Variants in LRBA observed in about 807,000 individuals in gnomAD.
LRBA encodes LPS responsive beige-like anchor protein.
A neutral mutation model predicts 330.0 loss-of-function variants in LRBA; 176 were observed. The ratio of observed to expected loss-of-function variants is 0.53; its 90% CI spans 0.47 to 0.60. LRBA has a LOEUF of 0.60. Among genes scored for constraint, LRBA ranks in the 20% least tolerant of loss-of-function variants. The probability of loss-of-function intolerance (pLI) is 0.00; values close to 1 mark genes in which losing one functional copy is unlikely to be tolerated. For synonymous variants in LRBA, 1,230 were observed against 1,193.0 expected, an observed-to-expected ratio of 1.03 and a Z score of -0.64; for missense variants, 3,259 against 3,444.8, an observed-to-expected ratio of 0.95 and a Z score of 1.35.
At chr4:150,519,354 C>T (rs1762682057) in intron 40 of LRBA, among the ~76,000 whole-genome samples, 1 of 152,144 alleles carries the variant, frequency 6.6e-6, no homozygotes, top group Non-Finnish European at 1.5e-5. Context: ...AGAAAGGTTG[C>T]TCACATCTCT....
intron 16 of LRBA, 60 bp from the exon 17 acceptor site, chr4:150,893,209 T>G: frequency 1.2e-6 from 1 of 801,308 alleles, no homozygotes; most frequent in Admixed American, 2.3e-5. Context: ...AGTTGAATAA[T>G]GAATACTTCT....
chr4:150,528,146 C>T (rs6839603), intron 40 of LRBA, among the ~76,000 whole-genome samples: 2,481 of 152,130 alleles, frequency 0.016, 74 homozygotes, highest in African/African-American at 0.055. Context: ...TAAATATCAA[C>T]TTCTGATTTT....
intron 37 of LRBA, among the ~76,000 whole-genome samples, chr4:150,653,053 A>G (rs1779847536): frequency 6.6e-6 from 1 of 152,146 alleles, no homozygotes; most frequent in African/African-American, 2.4e-5. Context: ...CTTCAATTAA[A>G]AAGAACTGGC....
Position 150,325,901 on chromosome 4 carries a change from G to T in LRBA, c.7363-3C>A. The T allele has an allele frequency of 6.3e-7, 1 of 1,586,876 alleles. No homozygotes were observed. The highest frequency in any genetic ancestry group is 8.7e-7 in the Non-Finnish European group (1 of 1,155,872). The stretch of plus-strand genomic sequence containing the variant: ...CTTCGGATTTGAGCTTCAACAGCCT[G>T]AAAAGGGCAGGGGCAAGTCTGAAGG... On this transcript the variant is annotated splice_polypyrimidine_tract_variant and splice_region_variant and intron_variant, in intron 48 of 56. Coordinates refer to ENST00000651943, the MANE Select transcript of LRBA (RefSeq NM_001364905.1).
chr4:150,817,068 G>A lies in LRBA; in HGVS notation c.5305+56C>T, dbSNP rs566704593. ...TTTAAGTTAATCAAAAATCTTAAGC[G>A]TTGCTAAAATGAGATCTAAAAACAT... On this transcript the variant is annotated intron_variant, in intron 31 of 56. Coordinates refer to ENST00000651943, the MANE Select transcript of LRBA (RefSeq NM_001364905.1). The A allele has an allele frequency of 7.3e-5, 113 of 1,543,310 alleles. 1 individual carries two copies. Among genetic ancestry groups the A allele is most frequent in the South Asian group, 7.0e-4 (61 of 87,606 alleles).
intron 35 of LRBA, among the ~76,000 whole-genome samples, chr4:150,748,734 C>T (rs62346309): frequency 0.089 from 13,455 of 151,968 alleles, 1,033 homozygotes; most frequent in African/African-American, 0.22. Flanking sequence ...TGTATCCCCT[C>T]CAAAATTCTT....
chr4:150,452,349 C>T (rs1753447961), intron 44 of LRBA, among the ~76,000 whole-genome samples: 1 of 152,166 alleles, frequency 6.6e-6, no homozygotes, highest in Admixed American at 6.6e-5. Context: ...GATGAAGACT[C>T]TCAACAAACT....
intron 44 of LRBA, among the ~76,000 whole-genome samples, chr4:150,441,182 T>A (rs544187770): frequency 6.4e-4 from 98 of 152,120 alleles, no homozygotes; most frequent in African/African-American, 2.3e-3. Flanking sequence ...AGGCACTAAG[T>A]AAGCCTGATG....
intron 46 of LRBA, among the ~76,000 whole-genome samples, chr4:150,428,087 A>T (rs1245763542): frequency 6.6e-6 from 1 of 152,078 alleles, no homozygotes; most frequent in Non-Finnish European, 1.5e-5. Context: ...TATGTAATTT[A>T]AAACTTTTTA....
At chr4:150,856,152 G>C (rs1457596792) in intron 22 of LRBA, among the ~76,000 whole-genome samples, 2 of 152,178 alleles carry the variant, frequency 1.3e-5, no homozygotes, top group Non-Finnish European at 2.9e-5. Context: ...TTTGTGGAGT[G>C]AAGTGAGAAT....
At chr4:150,986,734 T>C (rs780541376) in intron 2 of LRBA, among the ~76,000 whole-genome samples, 17 of 152,134 alleles carry the variant, frequency 1.1e-4, no homozygotes, top group Admixed American at 5.9e-4. Flanking sequence ...AAAACAAAGA[T>C]TTTACAGGCC....
At chr4:150,543,109 T>C (rs898562127) in intron 40 of LRBA, among the ~76,000 whole-genome samples, 3 of 152,202 alleles carry the variant, frequency 2.0e-5, no homozygotes, top group Admixed American at 2.0e-4. Context: ...CTTTTCTACA[T>C]GTAATTTCAT....
chr4:150,360,220 T>G (rs981165913), intron 47 of LRBA, among the ~76,000 whole-genome samples: 1 of 151,912 alleles, frequency 6.6e-6, no homozygotes, highest in African/African-American at 2.4e-5. Context: ...CTTGAACTCC[T>G]GAGCTCAAGC....
intron 28 of LRBA, among the ~76,000 whole-genome samples, chr4:150,838,440 G>C (rs542497521): frequency 7.2e-4 from 109 of 152,172 alleles, no homozygotes; most frequent in Non-Finnish European, 1.2e-3. Flanking sequence ...ATCAGACGTA[G>C]ATTTGGTCTT....
intron 37 of LRBA, among the ~76,000 whole-genome samples, chr4:150,616,180 C>CA (rs1397006065): frequency 1.3e-5 from 2 of 152,202 alleles, no homozygotes; most frequent in Middle Eastern, 3.4e-3. Flanking sequence ...AAGAACCTGA[C>CA]AGGATATATA....
rs1167556272 is a variant in LRBA at position 150,596,954 on chromosome 4, T to A, written c.6046+2053A>T. The A allele has an allele frequency of 2.9e-5, 14 of 484,482 alleles. No homozygotes were observed. The East Asian group carries it at 4.5e-4, about 16-fold the overall frequency. The allele number at this position is 484,482 out of a possible 1,614,324, so 30.0% of individuals were successfully genotyped here. A position where few individuals can be genotyped will look rare whatever the true frequency, so the allele number is the denominator to read the frequency against. On this transcript the variant is annotated intron_variant, in intron 38 of 56. Transcript: ENST00000651943. Reference sequence around the variant, plus strand: ...TAAATATGATATATCTCTGAAATTGTAAGACAACTGAAGAATCTCCTACAC... The same window carrying A: ...TAAATATGATATATCTCTGAAATTGAAAGACAACTGAAGAATCTCCTACAC...
At chr4:150,734,752 A>G (rs1375345557) in intron 36 of LRBA, among the ~76,000 whole-genome samples, 1 of 152,170 alleles carries the variant, frequency 6.6e-6, no homozygotes, top group Non-Finnish European at 1.5e-5. Context: ...GTCCTCTCCT[A>G]TGAGAATCCA....
chr4:150,695,079 T>C (rs1784511449), intron 36 of LRBA, among the ~76,000 whole-genome samples: 1 of 152,162 alleles, frequency 6.6e-6, no homozygotes, highest in Non-Finnish European at 1.5e-5. Context: ...CACAAATACC[T>C]AAGCATCTTC....
intron 30 of LRBA, 38 bp from the exon 31 acceptor site, chr4:150,817,295 T>C: frequency 6.3e-7 from 1 of 1,582,118 alleles, no homozygotes; most frequent in Non-Finnish European, 8.7e-7. Context: ...AAGATACAAA[T>C]TGATCTCTTG....
Sources: allele counts gnomAD v4.1 joint callset (sites outside exome capture counted in the v4.1 genomes callset), GRCh38; gene constraint gnomAD v4.1.1; transcripts MANE v1.5; gene names NCBI Gene and HGNC (gene_info 2026-07-23, HGNC 2026-07-21).